Variants in CABS1 observed in about 807,000 individuals in gnomAD.
The protein encoded by CABS1 is calcium binding protein, spermatid associated 1.
For missense variants in CABS1, 500 were observed against 464.3 expected, an observed-to-expected ratio of 1.08 and a Z score of -0.71; for synonymous variants, 195 against 169.0, an observed-to-expected ratio of 1.15 and a Z score of -1.19.
intron 1 of CABS1, among the ~76,000 whole-genome samples, chr4:70,336,721 C>A (rs955949615): frequency 4.6e-5 from 7 of 151,848 alleles, no homozygotes; most frequent in African/African-American, 1.7e-4. Context: ...CAGTGATTCT[C>A]TTCTATTTAA....
At position 70,335,025 on chromosome 4, in the gene CABS1, G is replaced by T. The variant is rs376127064; in HGVS notation, c.-15G>T. ...GAAGCAAGACCTGTGAGAGTGCACA[G>T]TGCCACTTCGCCCCATGGCTGAAGA... is the stretch of plus-strand genomic sequence containing the variant. On this transcript the variant is annotated 5_prime_UTR_variant, in exon 1 of 2. Transcript: ENST00000273936. 9.3e-6 allele frequency: 15 copies of T among 1,605,054 alleles called. No homozygotes were observed. Among genetic ancestry groups the T allele is most frequent in the Non-Finnish European group, 1.3e-5 (15 of 1,175,418 alleles).
chr4:70,335,866 A>C lies in CABS1; in HGVS notation c.827A>C (p.Lys276Thr), dbSNP rs139430564. The C allele has an allele frequency of 2.2e-5, 35 of 1,613,486 alleles. No homozygotes were observed. The highest frequency in any genetic ancestry group is 2.9e-5 in the Non-Finnish European group (34 of 1,179,752). Residue 276 changes from lysine (K) to threonine (T), a missense_variant, in exon 1 of 2, where the codon AAA (lysine) becomes ACA (threonine). Physicochemically the swap from Lys to Thr is moderately conservative, Grantham distance 78. Transcript: ENST00000273936. Reference protein sequence around the residue: ...TVFELTTSAEKDKDKREDTLL... With the variant: ...TVFELTTSAETDKDKREDTLL... ...TTTGAACTCACTACCTCTGCTGAAA[A>C]AGACAAAGATAAACGGGAAGATACT...
Position 70,335,184 on chromosome 4 carries a change from A to C in CABS1, c.145A>C (p.Thr49Pro). The C allele has an allele frequency of 1.2e-6, 2 of 1,613,866 alleles. No individual in the cohort carries two copies. Among genetic ancestry groups the C allele is most frequent in the Non-Finnish European group, 1.7e-6 (2 of 1,179,848 alleles). ...TATTACTTCAGAAGGAGACCACGTC[A>C]CTTCAGTAAATGAATATATGCTAGA... ...TTITSEGDHVTSVNEYMLESD... is the reference protein window; with the variant it reads ...TTITSEGDHVPSVNEYMLESD... The change falls in exon 1 of 2, where the codon ACT (threonine) becomes CCT (proline). Residue 49 changes from threonine (T) to proline (P), a missense_variant. Transcript: ENST00000273936.
chr4:70,335,244 A>C lies in CABS1; in HGVS notation c.205A>C (p.Thr69Pro), dbSNP rs768955514. The C allele has an allele frequency of 1.2e-6, 2 of 1,613,602 alleles. No individual in the cohort carries two copies. Among genetic ancestry groups the C allele is most frequent in the Admixed American group, 3.3e-5 (2 of 59,928 alleles). ...TTCAACAACTACAGACAACAAACTG[A>C]CAGCTAAAAAGGAAAAACTCAAATC... ...DFSTTTDNKL[T>P]AKKEKLKSED... Residue 69 changes from threonine (T) to proline (P), a missense_variant, in exon 1 of 2, where the codon ACA (threonine) becomes CCA (proline). By Grantham distance (38) the Thr-to-Pro change is conservative (BLOSUM62 -1). Transcript: ENST00000273936.
In CABS1 at chr4:70,335,272, A is replaced by G; in HGVS notation, c.233A>G (p.Glu78Gly). 2 of 1,613,712 alleles carry G rather than the reference A, an allele frequency of 1.2e-6. No homozygotes were observed. The highest frequency in any genetic ancestry group is 1.7e-6 in the Non-Finnish European group (2 of 1,179,864). ...LTAKKEKLKS[E>G]DDMGTDFIKS... The stretch of plus-strand genomic sequence containing the variant: ...GCTAAAAAGGAAAAACTCAAATCAG[A>G]AGATGATATGGGGACCGACTTTATT... Residue 78 changes from glutamate (E) to glycine (G), a missense_variant, in exon 1 of 2, where the codon GAA becomes GGA. Physicochemically the swap from Glu to Gly is moderately conservative, Grantham distance 98. Coordinates refer to ENST00000273936, the MANE Select transcript of CABS1 (RefSeq NM_033122.4).
rs1014133307 is a variant in CABS1, at chr4:70,336,359, C to T, written c.*119+13C>T. 1 of 1,270,464 alleles carries T rather than the reference C, an allele frequency of 7.9e-7. No homozygotes were observed. The highest frequency in any genetic ancestry group is 1.1e-6 in the Non-Finnish European group (1 of 947,806). The allele number at this position is 1,270,464 out of a possible 1,614,324, so 78.7% of individuals were successfully genotyped here. On this transcript the variant is annotated intron_variant, in intron 1 of 1. Coordinates refer to ENST00000273936, the MANE Select transcript of CABS1 (RefSeq NM_033122.4). ...GTGGGCATTTAAGGCAAGTATTCGA[C>T]TCAATAAATGCAGATGCTTAGGACT...
At position 70,335,108 on chromosome 4, in the gene CABS1, A is replaced by T; in HGVS notation, c.69A>T (p.Ala23=). ...CAGAAAGCAGTAAAACACCAACTGC[A>T]GCAACCATTTTCTTTGGGGCTGACA... ...PPTESSKTPT[A]ATIFFGADNA... is the part of the protein sequence containing the mutation. Residue 23 remains alanine (A), a synonymous_variant, in exon 1 of 2, where the codon GCA becomes GCT. Coordinates refer to ENST00000273936, the MANE Select transcript of CABS1 (RefSeq NM_033122.4). 6.2e-7 allele frequency: 1 copy of T among 1,613,752 alleles called. No individual in the cohort carries two copies. The highest frequency in any genetic ancestry group is 8.5e-7 in the Non-Finnish European group (1 of 1,179,794).
intron 1 of CABS1, 79 bp downstream of exon 1, chr4:70,336,425 A>G: frequency 2.9e-6 from 2 of 678,180 alleles, no homozygotes; most frequent in Non-Finnish European, 4.5e-6. Context: ...AGAAAAAAAA[A>G]CCGCAGTGTA....
rs1216604200 is a variant in CABS1 at position 70,335,024 on chromosome 4, A to T, written c.-16A>T. The T allele has an allele frequency of 6.2e-7, 1 of 1,604,082 alleles. No homozygotes were observed. The highest frequency in any genetic ancestry group is 1.3e-5 in the African/African-American group (1 of 74,730). ...AGAAGCAAGACCTGTGAGAGTGCAC[A>T]GTGCCACTTCGCCCCATGGCTGAAG... On this transcript the variant is annotated 5_prime_UTR_variant, in exon 1 of 2. Coordinates refer to ENST00000273936, the MANE Select transcript of CABS1 (RefSeq NM_033122.4).
Position 70,335,619 on chromosome 4 carries a change from T to G in CABS1, c.580T>G (p.Ser194Ala), listed in dbSNP as rs552916961. The G allele has an allele frequency of 4.8e-5, 78 of 1,613,540 alleles. 1 individual carries two copies. The South Asian group carries it at 7.7e-4, about 16-fold the overall frequency. Residue 194 changes from serine to alanine, a missense_variant, in exon 1 of 2, where the codon TCC becomes GCC. Ser to Ala is a moderately conservative substitution (Grantham distance 99). Coordinates refer to ENST00000273936, the MANE Select transcript of CABS1 (RefSeq NM_033122.4). ...DEADMSNYNS[S>A]IKSNVPADEA... is the part of the protein sequence containing the mutation. ...AGCTGATATGAGCAATTATAATTCC[T>G]CCATCAAATCCAATGTCCCTGCTGA...
Position 70,335,333 on chromosome 4 carries a change from T to A in CABS1, c.294T>A (p.Ser98=). ...STTHLQKEIT[S]LTGTTNSITR... The stretch of plus-strand genomic sequence containing the variant: ...CTCACCTACAGAAAGAAATTACCTC[T>A]CTGACTGGCACTACAAACTCCATAA... Residue 98 remains serine, a synonymous_variant, in exon 1 of 2, where the codon TCT becomes TCA. Coordinates refer to ENST00000273936, the MANE Select transcript of CABS1 (RefSeq NM_033122.4). The A allele has an allele frequency of 6.2e-7, 1 of 1,613,814 alleles. No individual in the cohort carries two copies. The highest frequency in any genetic ancestry group is 8.5e-7 in the Non-Finnish European group (1 of 1,179,884).
At position 70,335,599 on chromosome 4, in the gene CABS1, A is replaced by G. The variant is rs773257575; in HGVS notation, c.560A>G (p.Asp187Gly). 15 of 1,613,628 alleles carry G rather than the reference A, an allele frequency of 9.3e-6. No individual in the cohort carries two copies. The East Asian group carries it at 3.3e-4, about 36-fold the overall frequency. ...TTTCCACGTAAAAAGGATGAAGCTGATATGAGCAATTATAATTCCTCCATC... is the reference window on the plus strand; with the variant it reads ...TTTCCACGTAAAAAGGATGAAGCTGGTATGAGCAATTATAATTCCTCCATC... ...PAFPRKKDEA[D>G]MSNYNSSIKS... Residue 187 changes from aspartate to glycine, a missense_variant, in exon 1 of 2, where the codon GAT becomes GGT. By Grantham distance (94) the Asp-to-Gly change is moderately conservative. Transcript: ENST00000273936.
At position 70,336,211 on chromosome 4, in the gene CABS1, A is replaced by G. The variant is rs780121111; in HGVS notation, c.1172A>G (p.Asp391Gly). ...TTTGAACTACTGAAAGAAGAACCCG[A>G]TGAGTTCATGATTTAAAAGCAACAA... ...DIFELLKEEP[D>G]EFMI The change falls in exon 1 of 2, where the codon GAT (aspartate) becomes GGT (glycine). Residue 391 changes from aspartate (D) to glycine (G), a missense_variant. Asp to Gly is a moderately conservative substitution (Grantham distance 94). Transcript: ENST00000273936. 6.2e-7 allele frequency: 1 copy of G among 1,610,448 alleles called. No individual in the cohort carries two copies. Among genetic ancestry groups the G allele is most frequent in the South Asian group, 1.1e-5 (1 of 90,616 alleles).
Position 70,335,035 on chromosome 4 carries a change from G to A in CABS1, c.-5G>A, listed in dbSNP as rs775671883. 1.8e-5 allele frequency: 29 copies of A among 1,609,164 alleles called. No homozygotes were observed. Among genetic ancestry groups the A allele is most frequent in the African/African-American group, 5.4e-5 (4 of 74,704 alleles). ...CTGTGAGAGTGCACAGTGCCACTTC[G>A]CCCCATGGCTGAAGATGGTTTGCCC... On this transcript the variant is annotated 5_prime_UTR_variant, in exon 1 of 2. Transcript: ENST00000273936.
At position 70,335,150 on chromosome 4, in the gene CABS1, A is replaced by C. The variant is rs1470111554; in HGVS notation, c.111A>C (p.Ser37=). 5 of 1,613,750 alleles carry C rather than the reference A, an allele frequency of 3.1e-6. No individual in the cohort carries two copies. The highest frequency in any genetic ancestry group is 4.2e-6 in the Non-Finnish European group (5 of 1,179,856). The part of the protein sequence containing the change: ...FFGADNAIPK[S]ETTITSEGDH... ...GGGCTGACAATGCTATTCCCAAATC[A>C]GAAACAACTATTACTTCAGAAGGAG... is the stretch of plus-strand genomic sequence containing the variant. Residue 37 remains serine (S), a synonymous_variant, in exon 1 of 2, where the codon TCA becomes TCC. Transcript: ENST00000273936.
chr4:70,335,414 A>C lies in CABS1; in HGVS notation c.375A>C (p.Ser125=). The C allele has an allele frequency of 6.2e-7, 1 of 1,613,740 alleles. No individual in the cohort carries two copies. Among genetic ancestry groups the C allele is most frequent in the Non-Finnish European group, 8.5e-7 (1 of 1,179,826 alleles). ...FMPVKIGNIS[S]PVTTVSLIDF... ...CAGTGAAAATTGGGAATATTTCATC[A>C]CCAGTTACTACTGTTTCTTTAATAG... Residue 125 remains serine (S), a synonymous_variant, in exon 1 of 2, where the codon TCA becomes TCC. Coordinates refer to ENST00000273936, the MANE Select transcript of CABS1 (RefSeq NM_033122.4).
At position 70,335,289 on chromosome 4, in the gene CABS1, G is replaced by A. The variant is rs758926757; in HGVS notation, c.250G>A (p.Asp84Asn). 6.8e-6 allele frequency: 11 copies of A among 1,613,556 alleles called. 1 individual carries two copies. In the East Asian group the frequency reaches 2.2e-4, roughly 33 times the overall value. Residue 84 changes from aspartate to asparagine, a missense_variant, in exon 1 of 2, where the codon GAC becomes AAC. Transcript: ENST00000273936. ...KLKSEDDMGT[D>N]FIKSTTHLQK... ...CAAATCAGAAGATGATATGGGGACC[G>A]ACTTTATTAAGTCAACAACTCACCT...
In CABS1 at chr4:70,335,199, T is replaced by C. The variant is rs1305572589; in HGVS notation, c.160T>C (p.Tyr54His). 5 of 1,613,690 alleles carry C rather than the reference T, an allele frequency of 3.1e-6. No individual in the cohort carries two copies. The highest frequency in any genetic ancestry group is 1.7e-5 in the Admixed American group (1 of 59,954). The change falls in exon 1 of 2, where the codon TAT (tyrosine) becomes CAT (histidine). Residue 54 changes from tyrosine to histidine, a missense_variant. Transcript: ENST00000273936. The stretch of plus-strand genomic sequence containing the variant: ...AGACCACGTCACTTCAGTAAATGAA[T>C]ATATGCTAGAAAGCGATTTTTCAAC... The part of the protein sequence containing the change: ...EGDHVTSVNE[Y>H]MLESDFSTTT...
chr4:70,335,240 A>G lies in CABS1; in HGVS notation c.201A>G (p.Lys67=), dbSNP rs930505624. The G allele has an allele frequency of 4.3e-6, 7 of 1,613,464 alleles. No individual in the cohort carries two copies. Among genetic ancestry groups the G allele is most frequent in the African/African-American group, 1.3e-5 (1 of 74,818 alleles). Residue 67 remains lysine, a synonymous_variant, in exon 1 of 2, where the codon AAA becomes AAG. Coordinates refer to ENST00000273936, the MANE Select transcript of CABS1 (RefSeq NM_033122.4). ...ATTTTTCAACAACTACAGACAACAAACTGACAGCTAAAAAGGAAAAACTCA... is the reference window on the plus strand; with the variant it reads ...ATTTTTCAACAACTACAGACAACAAGCTGACAGCTAAAAAGGAAAAACTCA... The part of the protein sequence containing the change: ...ESDFSTTTDN[K]LTAKKEKLKS...
Sources: allele counts gnomAD v4.1 joint callset (sites outside exome capture counted in the v4.1 genomes callset), GRCh38; gene constraint gnomAD v4.1.1; transcripts MANE v1.5; gene names NCBI Gene and HGNC (gene_info 2026-07-23, HGNC 2026-07-21).